Variants in TRIM36 observed in about 807,000 individuals in gnomAD.
TRIM36 encodes E3 ubiquitin-protein ligase TRIM36.
TRIM36 carries 42 observed loss-of-function variants against 72.4 expected under a neutral mutation model. The ratio of observed to expected loss-of-function variants is 0.58; its 90% CI spans 0.45 to 0.75. The LOEUF is 0.75. TRIM36 is among the 30% of genes least tolerant of loss of function. TRIM36 has a pLI of 0.00. For synonymous variants in TRIM36, 315 were observed against 282.8 expected, an observed-to-expected ratio of 1.11 and a Z score of -1.14; for missense variants, 913 against 857.1, an observed-to-expected ratio of 1.07 and a Z score of -0.81.
In TRIM36 at chr5:115,133,897, G is replaced by A. The variant is rs571903822; in HGVS notation, c.1461C>T (p.Cys487=). The change falls in exon 8 of 10, where the codon TGC becomes TGT. Residue 487 remains cysteine (C), a synonymous_variant. Transcript: ENST00000513154. ...RAYKGSICSP[C]SRELILHTPP... ...GAGTATGAAGAATCAATTCTCTGCT[G>A]CAAGGACTACAGATTGAACCCTTGT... The A allele has an allele frequency of 2.5e-6, 4 of 1,609,386 alleles. No individual in the cohort carries two copies. In the East Asian group the frequency reaches 9.0e-5, roughly 36 times the overall value.
At position 115,151,808 on chromosome 5, in the gene TRIM36, A is replaced by G. The variant is rs534275665; in HGVS notation, c.263-4414T>C. Among the ~76,000 whole-genome samples, 19 of 152,348 alleles carry G rather than the reference A, an allele frequency of 1.2e-4. No individual in the cohort carries two copies. The South Asian group carries it at 3.1e-3, about 25-fold the overall frequency. On this transcript the variant is annotated intron_variant, in intron 2 of 9. Coordinates refer to ENST00000513154, the MANE Select transcript of TRIM36 (RefSeq NM_001300759.2). ...CAATCACTACAACTCGACTCCCAGGAAGGCACATCCATAGGAAATGGGGAA... is the reference window on the plus strand; with the variant it reads ...CAATCACTACAACTCGACTCCCAGGGAGGCACATCCATAGGAAATGGGGAA...
chr5:115,170,715 C>T (rs1182940638), upstream of TRIM36, among the ~76,000 whole-genome samples: 1 of 152,240 alleles, frequency 6.6e-6, no homozygotes, highest in Non-Finnish European at 1.5e-5. Context: ...GGAGATTCCT[C>T]TCCCGGATGC....
chr5:115,144,715 C>T lies in TRIM36; in HGVS notation c.618G>A (p.Glu206=). The stretch of plus-strand genomic sequence containing the variant: ...ATAATTCACAGTACATGTTTATTCT[C>T]TCTGTTTCATGTTCTGGGCACATTA... The part of the protein sequence containing the change: ...KILMCPEHET[E]RINMYCELCR... Residue 206 remains glutamate (E), a synonymous_variant, in exon 4 of 10, where the codon GAG becomes GAA. Coordinates refer to ENST00000513154, the MANE Select transcript of TRIM36 (RefSeq NM_001300759.2). 1 of 1,613,840 alleles carries T rather than the reference C, an allele frequency of 6.2e-7. No homozygotes were observed. The highest frequency in any genetic ancestry group is 1.1e-5 in the South Asian group (1 of 91,004).
chr5:115,141,410 CG>C, intron 4 of TRIM36, 36 bp from the exon 5 acceptor site: 1 of 1,485,492 alleles, frequency 6.7e-7, no homozygotes, highest in Non-Finnish European at 9.1e-7. Context: ...ATAGACAAAA[CG>C]GGAGTTTAGC....
At chr5:115,169,495 G>C in intron 1 of TRIM36, 113 bp downstream of exon 1, 1 of 1,196,818 alleles carries the variant, frequency 8.4e-7, no homozygotes, top group Non-Finnish European at 1.1e-6. Flanking sequence ...CCACACGCCT[G>C]CCTTTGCTCT....
chr5:115,132,312 T>C (rs1433071360), intron 8 of TRIM36, among the ~76,000 whole-genome samples: 1 of 151,590 alleles, frequency 6.6e-6, no homozygotes, highest in East Asian at 1.9e-4. Context: ...GGTGGGTGGA[T>C]CACTTGAGGT....
chr5:115,165,606 C>G (rs554588592), intron 1 of TRIM36, among the ~76,000 whole-genome samples: 1 of 152,338 alleles, frequency 6.6e-6, no homozygotes, highest in Non-Finnish European at 1.5e-5. Flanking sequence ...TCTGGAGCAG[C>G]TGCTGCAAAG....
At position 115,126,640 on chromosome 5, in the gene TRIM36, G is replaced by C. The variant is rs1382865764; in HGVS notation, c.2014C>G (p.Gln672Glu). 43 of 1,614,032 alleles carry C rather than the reference G, an allele frequency of 2.7e-5. No individual in the cohort carries two copies. Among genetic ancestry groups the C allele is most frequent in the Non-Finnish European group, 3.6e-5 (43 of 1,180,016 alleles). Residue 672 changes from glutamine to glutamate, a missense_variant, in exon 10 of 10, where the codon CAG becomes GAG. Transcript: ENST00000513154. ...TGGCGTTCATAAAGGCATTTCATCT[G>C]ATCCATATCATAGAAATCTACTTTG... ...KGKVDFYDMD[Q>E]MKCLYERQVD...
At chr5:115,162,227 A>T (rs1754522869) in intron 2 of TRIM36, among the ~76,000 whole-genome samples, 1 of 152,182 alleles carries the variant, frequency 6.6e-6, no homozygotes, top group Non-Finnish European at 1.5e-5. Flanking sequence ...GACATAATCT[A>T]ACTTCGTAGG....
At chr5:115,139,129 CT>C (rs1247578646) in intron 5 of TRIM36, among the ~76,000 whole-genome samples, 1 of 127,416 alleles carries the variant, frequency 7.8e-6, no homozygotes, top group African/African-American at 2.9e-5. Context: ...TTTTTTTTTT[CT>C]TTTTTTTTGA....
upstream of TRIM36, among the ~76,000 whole-genome samples, chr5:115,173,241 CCTGT>C (rs1207009149): frequency 6.6e-6 from 1 of 152,108 alleles, no homozygotes; most frequent in African/African-American, 2.4e-5. Flanking sequence ...TTTCTTCTTC[CCTGT>C]CTATCTCTGA....
chr5:115,139,128 T>G (rs1580654650), intron 5 of TRIM36, among the ~76,000 whole-genome samples: 1 of 146,532 alleles, frequency 6.8e-6, no homozygotes, highest in South Asian at 2.2e-4. Flanking sequence ...TTTTTTTTTT[T>G]CTTTTTTTTT....
At chr5:115,173,252 C>T (rs1420790918), upstream of TRIM36, among the ~76,000 whole-genome samples, 1 of 152,158 alleles carries the variant, frequency 6.6e-6, no homozygotes, top group South Asian at 2.1e-4. Context: ...CTGTCTATCT[C>T]TGATCAGCCT....
At chr5:115,162,558 A>C (rs1454502641) in intron 2 of TRIM36, among the ~76,000 whole-genome samples, 1 of 152,236 alleles carries the variant, frequency 6.6e-6, no homozygotes, top group Non-Finnish European at 1.5e-5. Flanking sequence ...ATTTTGTGAA[A>C]TATGTATATA....
chr5:115,136,154 A>G (rs1366388242), intron 7 of TRIM36, among the ~76,000 whole-genome samples: 1 of 151,602 alleles, frequency 6.6e-6, no homozygotes, highest in Non-Finnish European at 1.5e-5. Flanking sequence ...TTGAAGTCCT[A>G]ACCCCCAGTA....
chr5:115,147,100 T>G lies in TRIM36; in HGVS notation c.557A>C (p.Tyr186Ser). ...PWGTIKAQHE[Y>S]VGPTTNFRPK... ...TCTGAAGTTAGTAGTTGGACCAACA[T>G]ACTCATGTTGAGCTTTTATAGTACC... The change falls in exon 3 of 10, where the codon TAT (tyrosine) becomes TCT (serine). Residue 186 changes from tyrosine to serine, a missense_variant. Coordinates refer to ENST00000513154, the MANE Select transcript of TRIM36 (RefSeq NM_001300759.2). The G allele has an allele frequency of 1.2e-6, 2 of 1,614,054 alleles. No individual in the cohort carries two copies. Among genetic ancestry groups the G allele is most frequent in the Non-Finnish European group, 1.7e-6 (2 of 1,179,906 alleles).
intron 4 of TRIM36, among the ~76,000 whole-genome samples, chr5:115,143,791 T>G (rs970403497): frequency 1.3e-5 from 2 of 152,240 alleles, no homozygotes; most frequent in African/African-American, 2.4e-5. Flanking sequence ...AGTAGTGTAC[T>G]GCTGCCTTTG....
chr5:115,177,830 A>G (rs1032441015), intron 1 of TRIM36: 1 of 1,614,138 alleles, frequency 6.2e-7, no homozygotes, highest in Non-Finnish European at 8.5e-7. Context: ...TTAGAAGTCA[A>G]CCGGGAATGC....
Position 115,124,944 on chromosome 5 carries a change from A to G in TRIM36, c.*1559T>C, listed in dbSNP as rs1186605879. On this transcript the variant is annotated 3_prime_UTR_variant, in exon 10 of 10. Transcript: ENST00000513154. ...AATGTGACTTTAGCAGCTTTATTGC[A>G]TAATGATCCACATAACGCTGCATTA... 1 of 152,524 alleles carries G rather than the reference A, an allele frequency of 6.6e-6. No individual in the cohort carries two copies. The highest frequency in any genetic ancestry group is 1.5e-5 in the Non-Finnish European group (1 of 67,948). 9.4% of individuals were successfully genotyped at this position (152,524 alleles called of 1,614,324 possible). A position where few individuals can be genotyped will look rare whatever the true frequency, so the allele number is the denominator to read the frequency against.
Sources: gnomAD v4.1 joint callset for allele counts (sites outside exome capture counted in the v4.1 genomes callset) on GRCh38, gnomAD v4.1.1 for gene constraint, MANE v1.5 for transcripts, NCBI Gene and HGNC (gene_info 2026-07-23, HGNC 2026-07-21) for gene names.